The following GRIN2C variants were observed in gnomAD, a reference collection of about 807,000 sequenced individuals.
The protein encoded by GRIN2C is glutamate receptor ionotropic, NMDA 2C.
A neutral mutation model predicts 77.7 loss-of-function variants in GRIN2C; 64 were observed. The observed-to-expected ratio is 0.82, with a 90% CI of 0.67 to 1.01. GRIN2C has a LOEUF of 1.01. Among genes scored for constraint, GRIN2C ranks in the 50% least tolerant of loss-of-function variants. GRIN2C has a pLI of 0.00. For synonymous variants in GRIN2C, 792 were observed against 643.4 expected (o/e 1.23, Z -3.49); for missense variants, 1,549 against 1,486.0 (o/e 1.04, Z -0.70).
chr17:74,843,504 C>A lies in GRIN2C; in HGVS notation c.2633G>T (p.Arg878Leu), dbSNP rs1049643207. ...GGCCGTGAGGTCCGGGCTGGCCTGC[C>A]GCGGTGGGCTGGCGAGGCTCTGCAC... is the stretch of plus-strand genomic sequence containing the variant. ...SGVQSLASPP[R>L]QASPDLTASS... Residue 878 changes from arginine to leucine, a missense_variant, in exon 13 of 13, where the codon CGG becomes CTG. Arg to Leu is a moderately radical substitution (Grantham distance 102, BLOSUM62 -2). Around this residue, in one of 3 missense-constraint regions of GRIN2C, gnomAD observed 450 missense variants for 267.9 expected, o/e 1.68. Transcript: ENST00000293190. 4.6e-6 allele frequency: 7 copies of A among 1,533,658 alleles called. No homozygotes were observed. The Admixed American group carries it at 9.8e-5, about 21-fold the overall frequency.
chr17:74,846,888 GA>G lies in GRIN2C; in HGVS notation c.2033del (p.Phe678SerfsTer96). The G allele has an allele frequency of 6.2e-7, 1 of 1,614,006 alleles. No homozygotes were observed. The highest frequency in any genetic ancestry group is 8.5e-7 in the Non-Finnish European group (1 of 1,179,970). ...FQRPQDQYPP[F>X]RFGTVPNGST... is the part of the protein sequence containing the mutation. ...TGCCGTTGGGCACCGTGCCGAAGCGGAAAGGTGGGTACTGATCTTGAGGCCG... is the reference window on the plus strand; with the variant it reads ...TGCCGTTGGGCACCGTGCCGAAGCGGAAGGTGGGTACTGATCTTGAGGCCG... On this transcript the variant is annotated frameshift_variant, in exon 10 of 13. Coordinates refer to ENST00000293190, the MANE Select transcript of GRIN2C (RefSeq NM_000835.6). LOFTEE classifies it high-confidence loss of function. This position sits in a 1 kb window ranked among gnomAD's most constrained non-coding sequence, Gnocchi z 4.4.
chr17:74,852,292 GCCTCGGCGAAGAGCA>G lies in GRIN2C; in HGVS notation c.704_718del (p.Val235_Glu239del). 7.0e-7 allele frequency: 1 copy of G among 1,423,604 alleles called. No individual in the cohort carries two copies. The highest frequency in any genetic ancestry group is 9.1e-7 in the Non-Finnish European group (1 of 1,095,664). The allele number at this position is 1,423,604 out of a possible 1,614,324, so 88.2% of individuals were successfully genotyped here. A position where few individuals can be genotyped will look rare whatever the true frequency, so the allele number is the denominator to read the frequency against. On this transcript the variant is annotated inframe_deletion, in exon 3 of 13. Transcript: ENST00000293190. Reference sequence around the variant, plus strand: ...GGGCCCCACCAGACCGGCCTGCGCCGCCTCGGCGAAGAGCACCTCGGCCTCCTCGCGCGAGCAGTA... The same window carrying G: ...GGGCCCCACCAGACCGGCCTGCGCCGCCTCGGCCTCCTCGCGCGAGCAGTA...
Position 74,843,013 on chromosome 17 carries a change from AG to A in GRIN2C, c.3123del (p.Phe1042SerfsTer169). On this transcript the variant is annotated frameshift_variant, in exon 13 of 13. Transcript: ENST00000293190. LOFTEE classifies it low-confidence loss of function (END_TRUNC). ...SFPRADRSGR[P>X]FLPLFPELED... is the part of the protein sequence containing the mutation. ...TCCAGCTCCGGGAAGAGCGGGAGGAAGGGGCGGCCGGATCGGTCGGCTCGAG... is the reference window on the plus strand; with the variant it reads ...TCCAGCTCCGGGAAGAGCGGGAGGAAGGGCGGCCGGATCGGTCGGCTCGAG... 2.2e-6 allele frequency: 1 copy of A among 454,098 alleles called. No homozygotes were observed. The highest frequency in any genetic ancestry group is 3.9e-6 in the Non-Finnish European group (1 of 256,564). 28.1% of individuals were successfully genotyped at this position (454,098 alleles called of 1,614,324 possible). A position where few individuals can be genotyped will look rare whatever the true frequency, so the allele number is the denominator to read the frequency against.
Position 74,843,463 on chromosome 17 carries a change from T to A in GRIN2C, c.2674A>T (p.Ser892Cys), listed in dbSNP as rs1161436057. Residue 892 changes from serine (S) to cysteine (C), a missense_variant, in exon 13 of 13, where the codon AGC becomes TGC. Physicochemically the swap from Ser to Cys is moderately radical, Grantham distance 112. Transcript: ENST00000293190. ...GCTGCCTGCAGCATCTTGAGCACGC[T>A]GGCCTGGGCCGAGCTGGCCGTGAGG... ...PDLTASSAQA[S>C]VLKMLQAARD... 1.8e-5 allele frequency: 28 copies of A among 1,534,816 alleles called. No individual in the cohort carries two copies. Among genetic ancestry groups the A allele is most frequent in the Non-Finnish European group, 2.4e-5 (28 of 1,146,290 alleles).
Position 74,842,591 on chromosome 17 carries a change from C to G in GRIN2C, c.3546G>C (p.Trp1182Cys). ...TCCTGCCCCTGTGCCCCAGAGGCCC[C>G]CAGGCCCCGGAGAGCCAGGAGCCGT... is the stretch of plus-strand genomic sequence containing the variant. ...ASHGSWLSGAWGPLGHRGRTL... is the reference protein window; with the variant it reads ...ASHGSWLSGACGPLGHRGRTL... The change falls in exon 13 of 13, where the codon TGG becomes TGC. Residue 1182 changes from tryptophan (W) to cysteine (C), a missense_variant. Transcript: ENST00000293190. The G allele has an allele frequency of 1.3e-6, 1 of 769,142 alleles. No homozygotes were observed. The highest frequency in any genetic ancestry group is 2.5e-5 in the East Asian group (1 of 40,710). 47.6% of individuals were successfully genotyped at this position (769,142 alleles called of 1,614,324 possible).
chr17:74,845,577 T>C (rs2037430509), intron 11 of GRIN2C, among the ~76,000 whole-genome samples: 1 of 152,086 alleles, frequency 6.6e-6, no homozygotes. Context: ...GTCTAGACCA[T>C]GTCTTATCTA....
rs77254288 is a variant in GRIN2C at position 74,851,664 on chromosome 17, G to A, written c.1026C>T (p.Gly342=). 293 of 1,570,618 alleles carry A rather than the reference G, an allele frequency of 1.9e-4. No homozygotes were observed. Among genetic ancestry groups the A allele is most frequent in the Non-Finnish European group, 2.4e-4 (273 of 1,157,378 alleles). The change falls in exon 4 of 13, where the codon GGC becomes GGT. Residue 342 remains glycine (G), a synonymous_variant. Coordinates refer to ENST00000293190, the MANE Select transcript of GRIN2C (RefSeq NM_000835.6). ...YRHLLNVTWE[G]RDFSFSPGGY... Reference sequence around the variant, plus strand: ...CACCAGGGCTGAAGGAGAAGTCTCGGCCCTCCCAGGTGACATTCAGTAGGT... The same window carrying A: ...CACCAGGGCTGAAGGAGAAGTCTCGACCCTCCCAGGTGACATTCAGTAGGT...
Position 74,849,935 on chromosome 17 carries a change from TG to T in GRIN2C, c.1492-3del. Reference sequence around the variant, plus strand: ...CATGTCTGCCCGCTTGTAGTACACCTGGGGGCCGGACGCCACGGAGGTTTGA... The same window carrying T: ...CATGTCTGCCCGCTTGTAGTACACCTGGGGCCGGACGCCACGGAGGTTTGA... On this transcript the variant is annotated splice_region_variant and splice_polypyrimidine_tract_variant and intron_variant, in intron 6 of 12. Coordinates refer to ENST00000293190, the MANE Select transcript of GRIN2C (RefSeq NM_000835.6). The surrounding 1 kb of genome is among the most constrained non-coding windows in gnomAD (Gnocchi z 4.6). The T allele has an allele frequency of 6.2e-7, 1 of 1,611,634 alleles. No homozygotes were observed. The highest frequency in any genetic ancestry group is 8.5e-7 in the Non-Finnish European group (1 of 1,179,260).
chr17:74,849,731 C>T lies in GRIN2C; in HGVS notation c.1645+49G>A, dbSNP rs1343186477. 3 of 1,568,906 alleles carry T rather than the reference C, an allele frequency of 1.9e-6. No homozygotes were observed. Among genetic ancestry groups the T allele is most frequent in the African/African-American group, 1.4e-5 (1 of 73,234 alleles). On this transcript the variant is annotated intron_variant, in intron 7 of 12. Coordinates refer to ENST00000293190, the MANE Select transcript of GRIN2C (RefSeq NM_000835.6). This position sits in a 1 kb window ranked among gnomAD's most constrained non-coding sequence, Gnocchi z 4.6. ...CCACCCAAGCTGTACACACCCTCCT[C>T]GTGGGCCCCTCTGCCCCCGGAGCCG... is the stretch of plus-strand genomic sequence containing the variant.
Position 74,846,191 on chromosome 17 carries a change from C to T in GRIN2C, c.2225G>A (p.Gly742Asp). 1.2e-6 allele frequency: 2 copies of T among 1,614,168 alleles called. No individual in the cohort carries two copies. The highest frequency in any genetic ancestry group is 1.7e-6 in the Non-Finnish European group (2 of 1,179,984). Residue 742 changes from glycine (G) to aspartate (D), a missense_variant, in exon 11 of 13, where the codon GGC (glycine) becomes GAC (aspartate). Transcript: ENST00000293190. The surrounding 1 kb of genome is among the most constrained non-coding windows in gnomAD (Gnocchi z 4.4). ...AGACCCAATGGTGACCAGCTTGCAG[C>T]CCTCGTCCTTGCCTGCCATGTAGTT... ...VLNYMAGKDE[G>D]CKLVTIGSGK... is the part of the protein sequence containing the mutation.
rs1262646492 is a variant in GRIN2C, at chr17:74,851,566, C to T, written c.1113+11G>A. 1.3e-6 allele frequency: 2 copies of T among 1,512,986 alleles called. No individual in the cohort carries two copies. Among genetic ancestry groups the T allele is most frequent in the Middle Eastern group, 1.7e-4 (1 of 5,914 alleles). The allele number at this position is 1,512,986 out of a possible 1,614,324, so 93.7% of individuals were successfully genotyped here. The stretch of plus-strand genomic sequence containing the variant: ...GGACACTGAGGGCCCCTGGGCTCAC[C>T]CCCTTCTCACCATCTCCCAGAGGCG... On this transcript the variant is annotated intron_variant, in intron 4 of 12. Transcript: ENST00000293190.
At chr17:74,857,253 G>A (rs997866029) in intron 1 of GRIN2C, among the ~76,000 whole-genome samples, 17 of 152,296 alleles carry the variant, frequency 1.1e-4, no homozygotes, top group Middle Eastern at 3.4e-3. Context: ...AGGTATGAGG[G>A]ACTGATCATA....
At chr17:74,855,540 C>T (rs1361642458) in intron 1 of GRIN2C, among the ~76,000 whole-genome samples, 2 of 152,232 alleles carry the variant, frequency 1.3e-5, no homozygotes, top group African/African-American at 4.8e-5. Context: ...GTCACTTAGC[C>T]TCTCTGAGCC....
upstream of GRIN2C, among the ~76,000 whole-genome samples, chr17:74,860,129 C>T (rs557729255): frequency 6.6e-6 from 1 of 152,202 alleles, no homozygotes; most frequent in Non-Finnish European, 1.5e-5. Context: ...GGGCCCTGGG[C>T]GAACCCAGGT....
rs897962717 is a variant in GRIN2C, at chr17:74,854,917, G to A, written c.176C>T (p.Pro59Leu). 1 of 1,613,584 alleles carries A rather than the reference G, an allele frequency of 6.2e-7. No individual in the cohort carries two copies. The highest frequency in any genetic ancestry group is 8.5e-7 in the Non-Finnish European group (1 of 1,179,788). The change falls in exon 2 of 13, where the codon CCC becomes CTC. Residue 59 changes from proline (P) to leucine (L), a missense_variant. Transcript: ENST00000293190. ...RLTPQSFLDL[P>L]LEIQPLTVGV... ...AACTGTGAGCGGCTGGATCTCCAGG[G>A]GTAGGTCCAGGAAGCTCTGGGGGGT... is the stretch of plus-strand genomic sequence containing the variant.
chr17:74,861,528 G>T (rs2037956641), upstream of GRIN2C: 1 of 150,938 alleles, frequency 6.6e-6, no homozygotes, highest in Non-Finnish European at 1.5e-5. Flanking sequence ...GGCGCGCTCA[G>T]TCTCAGCTCC....
Position 74,850,109 on chromosome 17 carries a change from C to A in GRIN2C, c.1491+97G>T. On this transcript the variant is annotated intron_variant, in intron 6 of 12. Coordinates refer to ENST00000293190, the MANE Select transcript of GRIN2C (RefSeq NM_000835.6). The surrounding 1 kb of genome is among the most constrained non-coding windows in gnomAD (Gnocchi z 5.3). Reference sequence around the variant, plus strand: ...CCCCAGGAGTCATCATTGGTGACAGCCCATGCCCCCCTCTAGAGGGCATCT... The same window carrying A: ...CCCCAGGAGTCATCATTGGTGACAGACCATGCCCCCCTCTAGAGGGCATCT... The A allele has an allele frequency of 7.0e-7, 1 of 1,427,954 alleles. No homozygotes were observed. The highest frequency in any genetic ancestry group is 1.2e-5 in the South Asian group (1 of 81,642). 88.5% of individuals were successfully genotyped at this position (1,427,954 alleles called of 1,614,324 possible).
In GRIN2C at chr17:74,849,984, ACACGCTGCACAGG is replaced by A. The variant is rs758922015; in HGVS notation, c.1492-64_1492-52del. On this transcript the variant is annotated intron_variant, in intron 6 of 12. Coordinates refer to ENST00000293190, the MANE Select transcript of GRIN2C (RefSeq NM_000835.6). The surrounding 1 kb of genome is among the most constrained non-coding windows in gnomAD (Gnocchi z 4.6). ...TGAAAAAGGGGCTCCCGTGGGGTGG[ACACGCTGCACAGG>A]CACCTCCAGACACCCCTTCTAGCAC... 2.1e-5 allele frequency: 33 copies of A among 1,567,674 alleles called. 1 individual carries two copies. Among genetic ancestry groups the A allele is most frequent in the South Asian group, 1.2e-4 (10 of 85,814 alleles).
intron 4 of GRIN2C, 48 bp downstream of exon 4, chr17:74,851,529 G>A (rs749456565): frequency 2.3e-4 from 251 of 1,097,312 alleles, no homozygotes; most frequent in Non-Finnish European, 3.2e-4. Flanking sequence ...AGGAGGCGGG[G>A]ACAAAATAAG....
Sources: gnomAD v4.1 joint callset for allele counts (sites outside exome capture counted in the v4.1 genomes callset) on GRCh38, gnomAD v4.1.1 for gene constraint, gnomAD v4.1.1 regional missense constraint, Gnocchi (gnomAD v3.1) non-coding constraint, MANE v1.5 for transcripts, NCBI Gene and HGNC (gene_info 2026-07-23, HGNC 2026-07-21) for gene names.